CATSPER2: variants seen among roughly 807,000 people sequenced by gnomAD.
CATSPER2 encodes the protein cation channel sperm-associated protein 2.
Under a neutral mutation model 68.8 loss-of-function variants are expected in CATSPER2, and 56 were observed. That is an observed-to-expected ratio of 0.81 (90% CI 0.66 to 1.02). CATSPER2 has a LOEUF of 1.02. Among genes scored for constraint, CATSPER2 ranks in the 50% least tolerant of loss-of-function variants. CATSPER2 has a pLI of 0.00. For missense variants in CATSPER2, 582 were observed against 642.0 expected, an observed-to-expected ratio of 0.91 and a Z score of 1.01; for synonymous variants, 198 against 229.9, an observed-to-expected ratio of 0.86 and a Z score of 1.26.
intron 2 of CATSPER2, 100 bp from the exon 3 acceptor site, chr15:43,647,567 T>C (rs557984480): frequency 2.7e-5 from 29 of 1,077,514 alleles, no homozygotes; most frequent in South Asian, 2.4e-4. Flanking sequence ...GTTCCCCTAA[T>C]GCCTTACTGC....
chr15:43,640,193 G>C lies in CATSPER2; in HGVS notation c.561+131C>G. 12 of 1,574,980 alleles carry C rather than the reference G, an allele frequency of 7.6e-6. 1 individual carries two copies. Among genetic ancestry groups the C allele is most frequent in the Non-Finnish European group, 1.0e-5 (12 of 1,158,566 alleles). ...TGCAATGATTGATGTTTAGTTTTAG[G>C]GAAAAAAAATCAAAAGAAAGAAGTT... On this transcript the variant is annotated intron_variant, in intron 5 of 12. Transcript: ENST00000396879.
chr15:43,640,728 T>G (rs1255749678), intron 4 of CATSPER2, among the ~76,000 whole-genome samples: 1 of 151,582 alleles, frequency 6.6e-6, no homozygotes, highest in Non-Finnish European at 1.5e-5. Flanking sequence ...CATATAGTTA[T>G]GTCTGCCCAG....
chr15:43,646,822 C>T (rs891617637), intron 4 of CATSPER2, among the ~76,000 whole-genome samples: 6 of 150,676 alleles, frequency 4.0e-5, no homozygotes, highest in African/African-American at 9.8e-5. Flanking sequence ...TTAAGCGATT[C>T]TCCTGCCTCA....
At chr15:43,638,065 C>T (rs879267858) in intron 7 of CATSPER2, among the ~76,000 whole-genome samples, 1 of 151,224 alleles carries the variant, frequency 6.6e-6, no homozygotes, top group Non-Finnish European at 1.5e-5. Flanking sequence ...AGTGATTCTC[C>T]TATCTCAGCC....
rs141428627 is a variant in CATSPER2, at chr15:43,635,888, G to A, written c.1022-62C>T. ...ATGACTAGACTTGGGAAGAGGGCTTGGGTGGGGAGAATCCAAGTGAAATAT... is the reference window on the plus strand; with the variant it reads ...ATGACTAGACTTGGGAAGAGGGCTTAGGTGGGGAGAATCCAAGTGAAATAT... On this transcript the variant is annotated intron_variant, in intron 8 of 12. Transcript: ENST00000396879. The A allele has an allele frequency of 1.7e-3, 2,587 of 1,478,444 alleles. 65 individuals carry two copies. In the African/African-American group the frequency reaches 0.032, roughly 18 times the overall value. 91.6% of individuals were successfully genotyped at this position (1,478,444 alleles called of 1,614,324 possible). A position where few individuals can be genotyped will look rare whatever the true frequency, so the allele number is the denominator to read the frequency against.
chr15:43,630,760 G>A (rs867957265), intron 12 of CATSPER2, 28 bp from the exon 13 acceptor site: 1 of 1,612,062 alleles, frequency 6.2e-7, no homozygotes, highest in Non-Finnish European at 8.5e-7. Context: ...TGTGAGGCTG[G>A]AGAGCTAAGA....
Position 43,648,715 on chromosome 15 carries a change from C to T in CATSPER2, c.-89G>A. 1 of 1,495,730 alleles carries T rather than the reference C, an allele frequency of 6.7e-7. No homozygotes were observed. Among genetic ancestry groups the T allele is most frequent in the Non-Finnish European group, 8.9e-7 (1 of 1,127,116 alleles). 92.7% of individuals were successfully genotyped at this position (1,495,730 alleles called of 1,614,324 possible). ...TGCCCCGAGCCTGGCTACCCCTATG[C>T]AAGACGAGCTCAGGGCCGGCTCCCA... is the stretch of plus-strand genomic sequence containing the variant. On this transcript the variant is annotated 5_prime_UTR_variant, in exon 1 of 13. Transcript: ENST00000396879.
rs143154095 is a variant in CATSPER2 at position 43,632,894 on chromosome 15, A to T, written c.1219T>A (p.Ser407Thr). The stretch of plus-strand genomic sequence containing the variant: ...TTAGACTCTACTTCAGACACTTCTG[A>T]TAAGTCCAAACTTTCCCTTTGTTGA... ...ASQQRESLDL[S>T]EVSEVESNYG... The change falls in exon 11 of 13, where the codon TCA (serine) becomes ACA (threonine). Residue 407 changes from serine to threonine, a missense_variant. Physicochemically the swap from Ser to Thr is moderately conservative, Grantham distance 58 (BLOSUM62 1). Around this residue, in one of 5 missense-constraint regions of CATSPER2, gnomAD observed 235 missense variants for 264.2 expected, o/e 0.89. Transcript: ENST00000396879. 4,942 of 1,609,390 alleles carry T rather than the reference A, an allele frequency of 3.1e-3. 189 individuals carry two copies. The African/African-American group carries it at 0.06, about 20-fold the overall frequency.
chr15:43,647,574 C>T, intron 2 of CATSPER2, 107 bp from the exon 3 acceptor site: 1 of 1,018,212 alleles, frequency 9.8e-7, no homozygotes, highest in South Asian at 1.3e-5. Context: ...TAATGCCTTA[C>T]TGCTAGTCCT....
intron 4 of CATSPER2, among the ~76,000 whole-genome samples, chr15:43,643,874 G>T (rs548345414): frequency 6.6e-6 from 1 of 151,704 alleles, no homozygotes; most frequent in South Asian, 2.1e-4. Flanking sequence ...TTTGAGACAG[G>T]GTCTTGCTCT....
chr15:43,641,122 G>GC (rs1555449556), intron 4 of CATSPER2, among the ~76,000 whole-genome samples: 2 of 144,076 alleles, frequency 1.4e-5, no homozygotes, highest in African/African-American at 5.1e-5. Flanking sequence ...TTTGTTTTTT[G>GC]TTTTTTTTTT....
Position 43,645,014 on chromosome 15 carries a change from AATT to A in CATSPER2, c.388+2033_388+2035del, listed in dbSNP as rs539881733. Among the ~76,000 whole-genome samples, 256 of 152,078 alleles carry A rather than the reference AATT, an allele frequency of 1.7e-3. 3 individuals are homozygous for A. The highest frequency in any genetic ancestry group is 2.0e-3 in the Non-Finnish European group (139 of 67,962). Reference sequence around the variant, plus strand: ...TATACTGTAGTGGGTCTGTGACATCAATTATTGTTGTATATTTAAATATCTTTG... The same window carrying A: ...TATACTGTAGTGGGTCTGTGACATCAATTGTTGTATATTTAAATATCTTTG... On this transcript the variant is annotated intron_variant, in intron 4 of 12. Coordinates refer to ENST00000396879, the MANE Select transcript of CATSPER2 (RefSeq NM_172095.4).
chr15:43,630,885 A>G (rs2085858939), intron 12 of CATSPER2, among the ~76,000 whole-genome samples, 153 bp from the exon 13 acceptor site: 1 of 151,558 alleles, frequency 6.6e-6, no homozygotes, highest in African/African-American at 2.4e-5. Context: ...ACTCTTTGCC[A>G]TAGACAAGTT....
intron 1 of CATSPER2, 133 bp from the exon 2 acceptor site, chr15:43,648,196 G>C: frequency 9.4e-7 from 1 of 1,060,868 alleles, no homozygotes; most frequent in South Asian, 1.3e-5. Context: ...TACGAACTAG[G>C]AGCAGTTGGG....
Position 43,645,294 on chromosome 15 carries a change from G to A in CATSPER2, c.388+1756C>T, listed in dbSNP as rs541303661. Among the ~76,000 whole-genome samples, 136 of 151,672 alleles carry A rather than the reference G, an allele frequency of 9.0e-4. 1 individual carries two copies. Among genetic ancestry groups the A allele is most frequent in the Middle Eastern group, 6.8e-3 (2 of 294 alleles). On this transcript the variant is annotated intron_variant, in intron 4 of 12. Coordinates refer to ENST00000396879, the MANE Select transcript of CATSPER2 (RefSeq NM_172095.4). The stretch of plus-strand genomic sequence containing the variant: ...TGGTCTCAAACTCCTGAGCTCAAGC[G>A]ATCCTCCCGCCTCAGCCTCCCAAAG...
chr15:43,645,644 T>G (rs535584978), intron 4 of CATSPER2, among the ~76,000 whole-genome samples: 6 of 151,476 alleles, frequency 4.0e-5, no homozygotes, highest in Non-Finnish European at 8.8e-5. Flanking sequence ...TCAACATAAT[T>G]AGCCTGGTGT....
At chr15:43,646,840 A>G (rs969915189) in intron 4 of CATSPER2, among the ~76,000 whole-genome samples, 6 of 151,014 alleles carry the variant, frequency 4.0e-5, no homozygotes, top group African/African-American at 7.3e-5. Flanking sequence ...TCAGCCTCCC[A>G]AGTAGCTGGG....
chr15:43,641,592 G>C (rs964066047), intron 4 of CATSPER2, among the ~76,000 whole-genome samples: 1 of 151,254 alleles, frequency 6.6e-6, no homozygotes, highest in Non-Finnish European at 1.5e-5. Context: ...TGGCTTTAAA[G>C]TCATCCTGAT....
Position 43,633,391 on chromosome 15 carries a change from C to T in CATSPER2, c.1179-457G>A, listed in dbSNP as rs915638425. On this transcript the variant is annotated intron_variant, in intron 10 of 12. Transcript: ENST00000396879. The stretch of plus-strand genomic sequence containing the variant: ...AGTCCCTACAATGGCACCCATAACC[C>T]TACAGGATCAGGTCACCATTCTCTC... 1.0e-4 allele frequency: 21 copies of T among 204,440 alleles called. 1 individual carries two copies. Among genetic ancestry groups the T allele is most frequent in the Non-Finnish European group, 1.6e-4 (16 of 100,136 alleles). 12.7% of individuals were successfully genotyped at this position (204,440 alleles called of 1,614,324 possible). A position where few individuals can be genotyped will look rare whatever the true frequency, so the allele number is the denominator to read the frequency against.
Sources: gnomAD v4.1 joint callset for allele counts (sites outside exome capture counted in the v4.1 genomes callset) on GRCh38, gnomAD v4.1.1 for gene constraint, gnomAD v4.1.1 regional missense constraint, MANE v1.5 for transcripts, NCBI Gene and HGNC (gene_info 2026-07-23, HGNC 2026-07-21) for gene names.